Variants in ST6GALNAC3 observed in about 807,000 individuals in gnomAD.
ST6GALNAC3 encodes the protein alpha-N-acetylgalactosaminide alpha-2,6-sialyltransferase 3.
A neutral mutation model predicts 32.7 loss-of-function variants in ST6GALNAC3; 25 were observed. The ratio of observed to expected loss-of-function variants is 0.76; its 90% CI spans 0.56 to 1.07. The LOEUF is 1.07. ST6GALNAC3 is among the 50% of genes least tolerant of loss of function. The pLI, the probability that ST6GALNAC3 is intolerant of heterozygous loss-of-function variation, is 0.00. For missense variants in ST6GALNAC3, 355 were observed against 382.4 expected (o/e 0.93, Z 0.60); for synonymous variants, 129 against 133.1 (o/e 0.97, Z 0.21).
At chr1:76,149,167 G>A (rs1650882870) in intron 1 of ST6GALNAC3, among the ~76,000 whole-genome samples, 1 of 152,160 alleles carries the variant, frequency 6.6e-6, no homozygotes, top group African/African-American at 2.4e-5. Context: ...TGGGGCTTAG[G>A]TTCTGAATCT....
rs1012459124 is a variant in ST6GALNAC3 at position 76,267,691 on chromosome 1, T to C, written c.19-46114T>C. Among the ~76,000 whole-genome samples, 5 of 152,218 alleles carry C rather than the reference T, an allele frequency of 3.3e-5. No homozygotes were observed. The South Asian group carries it at 1.0e-3, about 31-fold the overall frequency. ...AATGGTCAAAACCATAAAAAATGGC[T>C]TTGCTCTATGTGTAATAGGCAAATG... On this transcript the variant is annotated intron_variant, in intron 1 of 4. Transcript: ENST00000328299.
At position 76,629,471 on chromosome 1, in the gene ST6GALNAC3, C is replaced by T; in HGVS notation, c.*665C>T. ...ACATAAATCAAAATGGGCCAAGTAG[C>T]AAATCTTGATGAATTTCCACTCTTA... On this transcript the variant is annotated 3_prime_UTR_variant, in exon 5 of 5. Coordinates refer to ENST00000328299, the MANE Select transcript of ST6GALNAC3 (RefSeq NM_152996.4). The T allele has an allele frequency of 3.0e-6, 3 of 985,538 alleles. No homozygotes were observed. The highest frequency in any genetic ancestry group is 3.6e-6 in the Non-Finnish European group (3 of 829,766). The allele number at this position is 985,538 out of a possible 1,614,324, so 61.0% of individuals were successfully genotyped here. A position where few individuals can be genotyped will look rare whatever the true frequency, so the allele number is the denominator to read the frequency against.
At chr1:76,331,325 A>T (rs1213112059) in intron 2 of ST6GALNAC3, among the ~76,000 whole-genome samples, 1 of 152,194 alleles carries the variant, frequency 6.6e-6, no homozygotes, top group Admixed American at 6.5e-5. Context: ...GTCTTTAATG[A>T]AAAATTAATC....
chr1:76,156,888 C>G (rs570426610), intron 1 of ST6GALNAC3, among the ~76,000 whole-genome samples: 1 of 152,302 alleles, frequency 6.6e-6, no homozygotes, highest in South Asian at 2.1e-4. Context: ...CCCGCCACCA[C>G]GCCCGGCTAA....
intron 1 of ST6GALNAC3, 91 bp downstream of exon 1, chr1:76,074,975 CA>C (rs1412793336): frequency 1.3e-5 from 19 of 1,477,644 alleles, no homozygotes; most frequent in Non-Finnish European, 1.7e-5. Context: ...ACCGCATCCT[CA>C]TCTCAGTTGT....
intron 2 of ST6GALNAC3, among the ~76,000 whole-genome samples, chr1:76,327,336 A>G (rs1647097460): frequency 6.6e-6 from 1 of 151,238 alleles, no homozygotes; most frequent in South Asian, 2.1e-4. Flanking sequence ...AGAGAGAGAT[A>G]TTGAGAAGGA....
intron 1 of ST6GALNAC3, among the ~76,000 whole-genome samples, chr1:76,232,556 G>T (rs935306408): frequency 6.6e-6 from 1 of 152,192 alleles, no homozygotes; most frequent in Non-Finnish European, 1.5e-5. Context: ...CCCCGGAAAG[G>T]CTCCTTTGTG....
chr1:76,407,244 C>T (rs1028754498), intron 2 of ST6GALNAC3, among the ~76,000 whole-genome samples: 5 of 152,010 alleles, frequency 3.3e-5, no homozygotes, highest in African/African-American at 1.2e-4. Flanking sequence ...AGATTAAGTT[C>T]ACACTGATTA....
intron 1 of ST6GALNAC3, 40 bp downstream of exon 1, chr1:76,074,924 AG>A (rs1300126112): frequency 1.2e-5 from 19 of 1,576,668 alleles, no homozygotes; most frequent in Non-Finnish European, 1.5e-5. Flanking sequence ...GTGGTTGGCC[AG>A]CCCCTTGCTG....
At chr1:76,170,823 A>G (rs1176560714) in intron 1 of ST6GALNAC3, among the ~76,000 whole-genome samples, 2 of 152,092 alleles carry the variant, frequency 1.3e-5, no homozygotes, top group Admixed American at 6.6e-5. Context: ...TAAAATCCTC[A>G]TTTACAGAAT....
intron 3 of ST6GALNAC3, among the ~76,000 whole-genome samples, chr1:76,586,840 C>G (rs1464901641): frequency 1.3e-5 from 2 of 152,150 alleles, no homozygotes; most frequent in Admixed American, 1.3e-4. Flanking sequence ...CTTCTTGGCC[C>G]TTGTGTAATA....
chr1:76,496,888 C>G (rs1404701376), intron 3 of ST6GALNAC3, among the ~76,000 whole-genome samples: 1 of 152,170 alleles, frequency 6.6e-6, no homozygotes, highest in African/African-American at 2.4e-5. Flanking sequence ...AGTCACTGCC[C>G]TCTAAGGCTG....
At chr1:76,314,105 G>A (rs1646822325) in intron 2 of ST6GALNAC3, 106 bp downstream of exon 2, 12 of 1,091,424 alleles carry the variant, frequency 1.1e-5, no homozygotes, top group South Asian at 9.3e-5. Flanking sequence ...TGTCTGCCCC[G>A]GAGAGCTTGC....
chr1:76,360,647 T>A (rs2101049433), intron 2 of ST6GALNAC3, among the ~76,000 whole-genome samples: 1 of 152,354 alleles, frequency 6.6e-6, no homozygotes, highest in Middle Eastern at 3.4e-3. Context: ...CAGTTCTCAA[T>A]TATCCATGCT....
chr1:76,559,520 T>C (rs1665122068), intron 3 of ST6GALNAC3, among the ~76,000 whole-genome samples: 1 of 152,128 alleles, frequency 6.6e-6, no homozygotes, highest in Non-Finnish European at 1.5e-5. Flanking sequence ...AATAGATACG[T>C]TAAACTTTGT....
At chr1:76,092,373 T>C (rs1647059509) in intron 1 of ST6GALNAC3, among the ~76,000 whole-genome samples, 1 of 152,246 alleles carries the variant, frequency 6.6e-6, no homozygotes, top group Admixed American at 6.5e-5. Context: ...AAGTATCTTA[T>C]AATTGACTAT....
chr1:76,342,191 G>C (rs1173516322), intron 2 of ST6GALNAC3, among the ~76,000 whole-genome samples: 1 of 152,116 alleles, frequency 6.6e-6, no homozygotes. Context: ...TGTCTTTATA[G>C]TAGAATAATG....
At chr1:76,219,796 A>G (rs1023586136) in intron 1 of ST6GALNAC3, among the ~76,000 whole-genome samples, 1 of 152,214 alleles carries the variant, frequency 6.6e-6, no homozygotes, top group Non-Finnish European at 1.5e-5. Flanking sequence ...GGACTCATAC[A>G]TAATCTTGGT....
intron 3 of ST6GALNAC3, among the ~76,000 whole-genome samples, chr1:76,515,162 T>G (rs552803819): frequency 6.6e-6 from 1 of 152,264 alleles, no homozygotes; most frequent in East Asian, 1.9e-4. Flanking sequence ...TATTTTTTGA[T>G]GGAGGGTATT....
Sources: gnomAD v4.1 joint callset for allele counts (sites outside exome capture counted in the v4.1 genomes callset) on GRCh38, gnomAD v4.1.1 for gene constraint, MANE v1.5 for transcripts, NCBI Gene and HGNC (gene_info 2026-07-23, HGNC 2026-07-21) for gene names.